Variants in MID1 observed in about 807,000 individuals in gnomAD.
MID1 encodes the protein midline 1, also known as E3 ubiquitin-protein ligase Midline-1.
MID1 carries 7 observed loss-of-function variants against 40.4 expected under a neutral mutation model. The ratio of observed to expected loss-of-function variants is 0.17; its 90% CI spans 0.10 to 0.33. The LOEUF is 0.33. MID1 is among the 10% of genes least tolerant of loss of function. The probability of loss-of-function intolerance (pLI) is 1.00; values close to 1 mark genes in which losing one functional copy is unlikely to be tolerated. For synonymous variants in MID1, 229 were observed against 221.2 expected (o/e 1.04, Z -0.31); for missense variants, 367 against 558.5 (o/e 0.66, Z 3.46).
chrX:10,736,203 T>C (rs184328797), intron 1 of MID1, among the ~76,000 whole-genome samples: 269 of 109,676 alleles, frequency 2.5e-3, no homozygotes, highest in Middle Eastern at 0.021. Context: ...ATGGTCTCAA[T>C]CTCCTGACCT....
intron 3 of MID1, among the ~76,000 whole-genome samples, chrX:10,499,647 T>C (rs976085371): frequency 8.9e-6 from 1 of 112,100 alleles, no homozygotes; most frequent in African/African-American, 3.2e-5. Context: ...TAACTTTATA[T>C]GGATAGCCAG....
chrX:10,639,040 C>T (rs188915728), intron 1 of MID1, among the ~76,000 whole-genome samples: 1 of 112,155 alleles, frequency 8.9e-6, no homozygotes, highest in East Asian at 2.8e-4. Flanking sequence ...GTAGATAAAA[C>T]CACAAAGATG....
chrX:10,759,969 CTCTCGCATAGTCGCTGCTAGCT>C (rs2043665097), intron 1 of MID1, among the ~76,000 whole-genome samples: 1 of 112,192 alleles, frequency 8.9e-6, no homozygotes, highest in African/African-American at 3.2e-5. Flanking sequence ...CTAGCGGACT[CTCTCGCATAGTCGCTGCTAGCT>C]TTGCACAAGC....
chrX:10,685,877 T>TACACACACACACACACAC (rs56245034), intron 1 of MID1, among the ~76,000 whole-genome samples: 4 of 80,492 alleles, frequency 5.0e-5, no homozygotes, highest in Admixed American at 1.4e-4. Context: ...CACATACTCA[T>TACACACACACACACACAC]ACACACACAC....
chrX:10,544,935 G>A (rs372067780), intron 2 of MID1, among the ~76,000 whole-genome samples: 14 of 112,214 alleles, frequency 1.2e-4, no homozygotes, highest in African/African-American at 4.5e-4. Flanking sequence ...TCAAAGCTAA[G>A]TGTTTTTTGT....
chrX:10,832,280 T>C (rs1373152004), intron 1 of MID1, among the ~76,000 whole-genome samples: 1 of 112,527 alleles, frequency 8.9e-6, no homozygotes, highest in Non-Finnish European at 1.9e-5. Context: ...GGCCATAGCT[T>C]TTGTCCTTAT....
At chrX:10,536,076 T>C (rs1158504161) in intron 2 of MID1, among the ~76,000 whole-genome samples, 2 of 106,629 alleles carry the variant, frequency 1.9e-5, no homozygotes, top group Non-Finnish European at 3.9e-5. Context: ...AAATTAAAAA[T>C]TAGCTGGGCG....
chrX:10,829,077 G>C (rs1040800148), intron 1 of MID1, among the ~76,000 whole-genome samples: 1 of 112,081 alleles, frequency 8.9e-6, no homozygotes, highest in African/African-American at 3.2e-5. Flanking sequence ...ATATCAGTTC[G>C]AGTAAACTTG....
chrX:10,690,498 T>C (rs747410683), intron 1 of MID1, among the ~76,000 whole-genome samples: 5 of 112,277 alleles, frequency 4.5e-5, no homozygotes, highest in Non-Finnish European at 9.4e-5. Flanking sequence ...GTGGCTACTT[T>C]AGCAACATCA....
At chrX:10,828,380 T>G (rs1456303948) in intron 1 of MID1, among the ~76,000 whole-genome samples, 1 of 111,731 alleles carries the variant, frequency 9.0e-6, no homozygotes, top group Non-Finnish European at 1.9e-5. Context: ...GACTGGGGTC[T>G]GAGGGTAATC....
At chrX:10,798,882 G>A (rs1377970580) in intron 1 of MID1, among the ~76,000 whole-genome samples, 2 of 111,518 alleles carry the variant, frequency 1.8e-5, no homozygotes, top group Non-Finnish European at 3.8e-5. Context: ...GTCTATCCTG[G>A]GGCCAAATAG....
chrX:10,774,554 T>C (rs955762619), intron 1 of MID1, among the ~76,000 whole-genome samples: 4 of 110,769 alleles, frequency 3.6e-5, no homozygotes, highest in African/African-American at 6.6e-5. Context: ...TGTATTCCCA[T>C]GCCACTACAC....
chrX:10,501,196 C>T (rs1409793566), intron 3 of MID1, among the ~76,000 whole-genome samples: 1 of 111,479 alleles, frequency 9.0e-6, no homozygotes, highest in Admixed American at 9.5e-5. Flanking sequence ...ATAATCCCAG[C>T]TAATCGGGAG....
chrX:10,562,096 C>G (rs1429278470), intron 2 of MID1, among the ~76,000 whole-genome samples: 1 of 105,780 alleles, frequency 9.5e-6, no homozygotes, highest in Non-Finnish European at 1.9e-5. Context: ...TGGAACCCAT[C>G]ATTCTCAGCA....
At chrX:10,515,876 C>T (rs1026116976) in intron 3 of MID1, among the ~76,000 whole-genome samples, 1 of 112,033 alleles carries the variant, frequency 8.9e-6, no homozygotes, top group African/African-American at 3.2e-5. Context: ...TCAGTGATTC[C>T]AAGTGTTTGC....
intron 1 of MID1, among the ~76,000 whole-genome samples, chrX:10,575,826 C>T (rs1281371368): frequency 9.0e-6 from 1 of 110,630 alleles, no homozygotes; most frequent in East Asian, 2.8e-4. Context: ...AATAATACAT[C>T]AAGTAAGAAC....
intron 1 of MID1, among the ~76,000 whole-genome samples, chrX:10,759,714 C>G (rs976604461): frequency 9.0e-6 from 1 of 111,453 alleles, no homozygotes; most frequent in Non-Finnish European, 1.9e-5. Flanking sequence ...CTGCCCCATA[C>G]AGGAATCTGC....
rs1002864796 is a variant in MID1 at position 10,469,715 on chromosome X, C to T, written c.1267G>A (p.Gly423Arg). ...TACTCACTAACGACGTTGGCTTGTC[C>T]GGTGAATATGGTGTACTGGAGCTCG... ...SYELQYTIFTGQANVVSLCNS... is the reference protein window; with the variant it reads ...SYELQYTIFTRQANVVSLCNS... Residue 423 changes from glycine (G) to arginine (R), a missense_variant, in exon 7 of 10, where the codon GGA becomes AGA. Physicochemically the swap from Gly to Arg is moderately radical, Grantham distance 125 (BLOSUM62 -2). Transcript: ENST00000317552. 15 of 1,209,693 alleles carry T rather than the reference C, an allele frequency of 1.2e-5. No individual in the cohort carries two copies. Among genetic ancestry groups the T allele is most frequent in the Non-Finnish European group, 1.6e-5 (14 of 895,036 alleles).
intron 1 of MID1, among the ~76,000 whole-genome samples, chrX:10,736,151 T>G (rs1451150691): frequency 8.9e-6 from 1 of 111,855 alleles, no homozygotes; most frequent in Admixed American, 9.5e-5. Context: ...GCTAATTTTT[T>G]GTATTTTTTA....
Sources: allele counts gnomAD v4.1 joint callset (sites outside exome capture counted in the v4.1 genomes callset), GRCh38; gene constraint gnomAD v4.1.1; transcripts MANE v1.5; gene names NCBI Gene and HGNC (gene_info 2026-07-23, HGNC 2026-07-21).